Variants in EXT1 observed in about 807,000 individuals in gnomAD.
The protein encoded by EXT1 is exostosin-1.
Under a neutral mutation model 82.5 loss-of-function variants are expected in EXT1, and 20 were observed. The observed-to-expected ratio is 0.24, with a 90% CI of 0.17 to 0.35. The LOEUF is 0.35. EXT1 is among the 10% of genes least tolerant of loss of function. EXT1 has a pLI of 1.00. For missense variants in EXT1, 757 were observed against 936.5 expected (o/e 0.81, Z 2.50); for synonymous variants, 348 against 350.8 (o/e 0.99, Z 0.09).
At chr8:118,088,101 G>A (rs142034763) in intron 1 of EXT1, among the ~76,000 whole-genome samples, 7 of 152,152 alleles carry the variant, frequency 4.6e-5, no homozygotes, top group African/African-American at 7.2e-5. Flanking sequence ...TTCTTCTCCC[G>A]GCTGCTGCAC....
intron 1 of EXT1, among the ~76,000 whole-genome samples, chr8:117,885,643 C>A (rs1293655284): frequency 6.6e-6 from 1 of 152,180 alleles, no homozygotes; most frequent in Non-Finnish European, 1.5e-5. Flanking sequence ...AAATGTGATA[C>A]TGAAGTTCTT....
chr8:117,853,395 A>G (rs1812488423), intron 1 of EXT1, among the ~76,000 whole-genome samples: 1 of 152,192 alleles, frequency 6.6e-6, no homozygotes, highest in Non-Finnish European at 1.5e-5. Context: ...AAATATAAAA[A>G]TTAGCCAGGT....
chr8:117,817,495 C>T (rs1296087583), intron 7 of EXT1, among the ~76,000 whole-genome samples: 6 of 151,942 alleles, frequency 3.9e-5, no homozygotes, highest in African/African-American at 7.2e-5. Flanking sequence ...CTTCACAATG[C>T]GTAAGATCTA....
intron 1 of EXT1, among the ~76,000 whole-genome samples, chr8:117,850,505 C>CT (rs17479404): frequency 6.6e-6 from 1 of 152,064 alleles, no homozygotes; most frequent in Admixed American, 6.6e-5. Context: ...AATTGGAAAA[C>CT]TTTTTTTCCC....
At chr8:117,856,421 A>ATTTTTTT (rs1563581243) in intron 1 of EXT1, among the ~76,000 whole-genome samples, 1 of 120,000 alleles carries the variant, frequency 8.3e-6, no homozygotes, top group Non-Finnish European at 1.6e-5. Context: ...CGCCTGGCTA[A>ATTTTTTT]ATTTTTTTTT....
chr8:117,886,064 A>G (rs1195291036), intron 1 of EXT1, among the ~76,000 whole-genome samples: 3 of 152,226 alleles, frequency 2.0e-5, no homozygotes, highest in Non-Finnish European at 2.9e-5. Context: ...TTTAAAATGT[A>G]TACGATGGAA....
chr8:118,008,920 T>C (rs947040500), intron 1 of EXT1, among the ~76,000 whole-genome samples: 1 of 152,122 alleles, frequency 6.6e-6, no homozygotes, highest in Non-Finnish European at 1.5e-5. Context: ...CCTCAGCAAG[T>C]GTTAGATGTG....
intron 1 of EXT1, among the ~76,000 whole-genome samples, chr8:118,027,732 C>A (rs983115837): frequency 6.6e-6 from 1 of 152,170 alleles, no homozygotes; most frequent in Admixed American, 6.5e-5. Flanking sequence ...CTTACGTAGT[C>A]CAGAAAAAAA....
At position 117,996,881 on chromosome 8, in the gene EXT1, T is replaced by A. The variant is rs557788828; in HGVS notation, c.962+113204A>T. On this transcript the variant is annotated intron_variant, in intron 1 of 10. Coordinates refer to ENST00000378204, the MANE Select transcript of EXT1 (RefSeq NM_000127.3). ...ATTCTGGGCCAAGCAGCTAACATTT[T>A]TATAGGAGAAACAACTAAAATTTCC... Among the ~76,000 whole-genome samples the A allele has an allele frequency of 4.6e-5, 7 of 152,342 alleles. 1 individual carries two copies. The highest frequency in any genetic ancestry group is 4.6e-4 in the Admixed American group (7 of 15,304).
At chr8:117,847,472 T>C (rs763670869) in intron 1 of EXT1, among the ~76,000 whole-genome samples, 3 of 152,226 alleles carry the variant, frequency 2.0e-5, no homozygotes, top group Non-Finnish European at 4.4e-5. Flanking sequence ...AAAATTTGTG[T>C]TTCACCAGCC....
intron 1 of EXT1, among the ~76,000 whole-genome samples, chr8:118,050,508 C>T (rs1259007027): frequency 6.6e-6 from 1 of 152,152 alleles, no homozygotes; most frequent in South Asian, 2.1e-4. Context: ...CAGGGGTCGG[C>T]AAACTTTTCT....
At chr8:117,914,039 C>G (rs1358407531) in intron 1 of EXT1, among the ~76,000 whole-genome samples, 1 of 152,118 alleles carries the variant, frequency 6.6e-6, no homozygotes, top group Non-Finnish European at 1.5e-5. Flanking sequence ...TCCTACTTAA[C>G]TTCTAAGGGT....
rs35686154 is a variant in EXT1 at position 117,851,616 on chromosome 8, G to GACACACACACAC, written c.963-14427_963-14416dup. Among the ~76,000 whole-genome samples, 1,039 of 147,988 alleles carry GACACACACACAC rather than the reference G, an allele frequency of 7.0e-3. 8 individuals are homozygous for GACACACACACAC. The highest frequency in any genetic ancestry group is 0.029 in the East Asian group (143 of 4,876). On this transcript the variant is annotated intron_variant, in intron 1 of 10. Transcript: ENST00000378204. ...CTAAGAAAGCAGTGCAATTTAGCTG[G>GACACACACACAC]ACACACACACACACACACACACACA...
At chr8:117,967,389 A>G (rs1814845456) in intron 1 of EXT1, among the ~76,000 whole-genome samples, 1 of 152,218 alleles carries the variant, frequency 6.6e-6, no homozygotes, top group Admixed American at 6.5e-5. Context: ...GACCAAGGTA[A>G]TGCTGCTCTT....
intron 1 of EXT1, among the ~76,000 whole-genome samples, chr8:118,017,079 C>T (rs1382328767): frequency 1.3e-5 from 2 of 152,172 alleles, no homozygotes; most frequent in Admixed American, 6.5e-5. Flanking sequence ...TTCTCCCAGA[C>T]GGACCGGTAT....
intron 1 of EXT1, among the ~76,000 whole-genome samples, chr8:117,888,370 T>G (rs1040563687): frequency 1.3e-5 from 2 of 152,174 alleles, no homozygotes; most frequent in Non-Finnish European, 2.9e-5. Flanking sequence ...TCCTTGTGGA[T>G]GGAGACAGCA....
intron 1 of EXT1, among the ~76,000 whole-genome samples, chr8:118,083,289 C>G (rs551144624): frequency 7.9e-5 from 12 of 152,318 alleles, no homozygotes; most frequent in East Asian, 1.9e-4. Flanking sequence ...AGTGAATAAT[C>G]TACAGAACAG....
intron 8 of EXT1, among the ~76,000 whole-genome samples, chr8:117,809,244 T>TATATATATATATATATATATATATATA (rs1554657605): frequency 1.0e-4 from 14 of 138,216 alleles, no homozygotes; most frequent in Admixed American, 1.5e-4. Context: ...TATATATATA[T>TATATATATATATATATATATATATATA]TATGTTCTAT....
At chr8:117,824,403 A>G (rs1453386032) in intron 4 of EXT1, among the ~76,000 whole-genome samples, 1 of 152,234 alleles carries the variant, frequency 6.6e-6, no homozygotes, top group Non-Finnish European at 1.5e-5. Context: ...AACAACAAGC[A>G]TTTTATACTG....
Sources: gnomAD v4.1 joint callset for allele counts (sites outside exome capture counted in the v4.1 genomes callset) on GRCh38, gnomAD v4.1.1 for gene constraint, MANE v1.5 for transcripts, NCBI Gene and HGNC (gene_info 2026-07-23, HGNC 2026-07-21) for gene names.